The following HPSE2 variants were observed in gnomAD, a reference collection of about 807,000 sequenced individuals.
The protein encoded by HPSE2 is inactive heparanase-2.
HPSE2 carries 38 observed loss-of-function variants against 60.5 expected under a neutral mutation model. The observed-to-expected ratio is 0.63, with a 90% CI of 0.48 to 0.82. The LOEUF is 0.82. Among genes scored for constraint, HPSE2 ranks in the 40% least tolerant of loss-of-function variants. HPSE2 has a pLI of 0.00. For synonymous variants in HPSE2, 295 were observed against 293.2 expected (o/e 1.01, Z -0.06); for missense variants, 713 against 740.4 (o/e 0.96, Z 0.43).
intron 11 of HPSE2, among the ~76,000 whole-genome samples, chr10:98,466,567 C>T (rs1346995965): frequency 6.7e-6 from 1 of 149,488 alleles, no homozygotes; most frequent in Non-Finnish European, 1.5e-5. Flanking sequence ...GCCGAGATTG[C>T]ACCACTGCAC....
chr10:99,104,820 C>A (rs1445274449), intron 3 of HPSE2, among the ~76,000 whole-genome samples: 2 of 151,962 alleles, frequency 1.3e-5, no homozygotes, highest in South Asian at 2.1e-4. Flanking sequence ...GGACAAAAAA[C>A]CAAACACCAC....
intron 4 of HPSE2, among the ~76,000 whole-genome samples, chr10:98,728,475 C>T (rs113414005): frequency 6.6e-6 from 1 of 151,824 alleles, no homozygotes; most frequent in Non-Finnish European, 1.5e-5. Flanking sequence ...AAAATTACCC[C>T]TGTGTGGTGC....
intron 3 of HPSE2, among the ~76,000 whole-genome samples, chr10:99,101,684 C>A (rs537462206): frequency 6.6e-6 from 1 of 152,178 alleles, no homozygotes; most frequent in African/African-American, 2.4e-5. Context: ...AATATACATT[C>A]TTCTCAGCAC....
Position 99,135,873 on chromosome 10 carries a change from A to G in HPSE2, c.610+8365T>C, listed in dbSNP as rs1463958032. Among the ~76,000 whole-genome samples the G allele has an allele frequency of 3.3e-5, 5 of 152,182 alleles. No homozygotes were observed. The East Asian group carries it at 9.6e-4, about 29-fold the overall frequency. On this transcript the variant is annotated intron_variant, in intron 3 of 11. Transcript: ENST00000370552. ...ACAAATTCAAAATTTAAGGGAAGAC[A>G]AGTAATAACCAAGACCAGAGCAGAA...
chr10:99,232,436 G>A lies in HPSE2; in HGVS notation c.360C>T (p.Thr120=). The change falls in exon 2 of 12, where the codon ACC becomes ACT. Residue 120 remains threonine, a synonymous_variant. Transcript: ENST00000370552. The part of the protein sequence containing the change: ...PAFLRFGGKR[T]DFLQFQNLRN... Reference sequence around the variant, plus strand: ...TCAGGTTCTGGAACTGCAGGAAGTCGGTCCTTTTGCCCCCGAAGCGCAGAA... The same window carrying A: ...TCAGGTTCTGGAACTGCAGGAAGTCAGTCCTTTTGCCCCCGAAGCGCAGAA... 1 of 1,556,406 alleles carries A rather than the reference G, an allele frequency of 6.4e-7. No homozygotes were observed.
At chr10:99,097,319 T>C (rs941159896) in intron 3 of HPSE2, among the ~76,000 whole-genome samples, 1 of 152,212 alleles carries the variant, frequency 6.6e-6, no homozygotes, top group African/African-American at 2.4e-5. Flanking sequence ...ACTTTTATAT[T>C]TCCTAAGTCC....
intron 3 of HPSE2, among the ~76,000 whole-genome samples, chr10:99,112,421 T>C (rs1159607822): frequency 1.7e-4 from 3 of 18,046 alleles, no homozygotes; most frequent in African/African-American, 2.0e-4. Context: ...TGTTGTGTTT[T>C]GTTTTGTTTT....
chr10:98,736,213 G>GTTTT (rs71938270), intron 4 of HPSE2, among the ~76,000 whole-genome samples: 112 of 149,426 alleles, frequency 7.5e-4, no homozygotes, highest in African/African-American at 2.4e-3. Flanking sequence ...CTTTTGCTTG[G>GTTTT]TTTTTTTTTT....
Position 98,635,784 on chromosome 10 carries a change from G to GAA in HPSE2, c.1098+6061_1098+6062dup, listed in dbSNP as rs71009705. On this transcript the variant is annotated intron_variant, in intron 7 of 11. Coordinates refer to ENST00000370552, the MANE Select transcript of HPSE2 (RefSeq NM_021828.5). ...GCAAAAGAACAAGACCCCATCTCAT[G>GAA]AAAAAAAAAAAAAAAAGAATGGATA... 3.8e-3 allele frequency among the ~76,000 whole-genome samples: 497 copies of GAA among 129,664 alleles called. 5 individuals are homozygous for GAA. The highest frequency in any genetic ancestry group is 0.017 in the East Asian group (76 of 4,578). The allele number at this position is 129,664 out of a possible 152,430, so 85.1% of individuals were successfully genotyped here. A position where few individuals can be genotyped will look rare whatever the true frequency, so the allele number is the denominator to read the frequency against.
At chr10:98,512,988 C>T (rs928777361) in intron 9 of HPSE2, among the ~76,000 whole-genome samples, 2 of 152,180 alleles carry the variant, frequency 1.3e-5, no homozygotes, top group Non-Finnish European at 2.9e-5. Flanking sequence ...TCTCCTGGGA[C>T]ACTTGATTCA....
intron 7 of HPSE2, among the ~76,000 whole-genome samples, chr10:98,634,668 G>A (rs1347157534): frequency 6.6e-6 from 1 of 152,128 alleles, no homozygotes; most frequent in African/African-American, 2.4e-5. Context: ...TTACTTCCAT[G>A]GTCCTGCAAC....
chr10:98,719,830 A>G (rs1441702511), intron 5 of HPSE2, among the ~76,000 whole-genome samples: 4 of 151,858 alleles, frequency 2.6e-5, no homozygotes, highest in Admixed American at 2.6e-4. Flanking sequence ...GCGAAACCCC[A>G]TCTCTACTGA....
chr10:99,221,778 C>T (rs1263568789), intron 2 of HPSE2, among the ~76,000 whole-genome samples: 2 of 152,036 alleles, frequency 1.3e-5, no homozygotes, highest in Non-Finnish European at 2.9e-5. Flanking sequence ...TGTAAATAAA[C>T]TTAGGTTCCT....
intron 9 of HPSE2, among the ~76,000 whole-genome samples, chr10:98,559,244 T>A (rs1944102005): frequency 6.6e-6 from 1 of 152,136 alleles, no homozygotes; most frequent in African/African-American, 2.4e-5. Flanking sequence ...GCCAGGCTGG[T>A]CTTAAATTCC....
chr10:99,246,981 C>A, the HPSE2 span, among the ~76,000 whole-genome samples: 74,308 of 151,166 alleles, frequency 0.49, 21,311 homozygotes, highest in Non-Finnish European at 0.64. Context: ...TTCTCAAAAA[C>A]AAAAATAATC....
chr10:98,840,672 A>G (rs903460973), intron 3 of HPSE2, among the ~76,000 whole-genome samples: 5 of 152,208 alleles, frequency 3.3e-5, no homozygotes, highest in African/African-American at 9.6e-5. Flanking sequence ...TCAGAGGAGT[A>G]TAGCGTCATC....
At chr10:99,100,586 G>A (rs1843924307) in intron 3 of HPSE2, among the ~76,000 whole-genome samples, 1 of 152,174 alleles carries the variant, frequency 6.6e-6, no homozygotes, top group Non-Finnish European at 1.5e-5. Flanking sequence ...TTAGCCAGGA[G>A]AACTTTCCCA....
intron 3 of HPSE2, among the ~76,000 whole-genome samples, chr10:99,034,284 A>T (rs775451515): frequency 1.4e-4 from 22 of 152,190 alleles, no homozygotes; most frequent in Non-Finnish European, 1.9e-4. Flanking sequence ...TTCCATTTAT[A>T]TGACGTTGGA....
chr10:99,145,299 A>G (rs182120198), intron 2 of HPSE2, among the ~76,000 whole-genome samples: 1 of 152,208 alleles, frequency 6.6e-6, no homozygotes, highest in Non-Finnish European at 1.5e-5. Context: ...TACTAAAAAT[A>G]CAAAAAAACT....
Sources: gnomAD v4.1 joint callset for allele counts (sites outside exome capture counted in the v4.1 genomes callset) on GRCh38, gnomAD v4.1.1 for gene constraint, MANE v1.5 for transcripts, NCBI Gene and HGNC (gene_info 2026-07-23, HGNC 2026-07-21) for gene names.